MYO16: variants seen among roughly 807,000 people sequenced by gnomAD.
MYO16 encodes myosin XVI, also known as unconventional myosin-XVI.
In MYO16, 94 loss-of-function variants were observed where a neutral mutation model predicts 205.3. The ratio of observed to expected loss-of-function variants is 0.46; its 90% CI spans 0.39 to 0.54. MYO16 has a LOEUF of 0.54. Ranked by LOEUF, MYO16 falls within the 20% of genes least tolerant of loss-of-function variation. MYO16 has a pLI of 0.00. For missense variants in MYO16, 2,315 were observed against 2,387.5 expected (o/e 0.97, Z 0.63); for synonymous variants, 988 against 954.0 (o/e 1.04, Z -0.66).
chr13:108,806,638 T>G (rs1887121840), intron 6 of MYO16, 41 bp from the exon 7 acceptor site: 2 of 1,593,556 alleles, frequency 1.3e-6, no homozygotes, highest in Non-Finnish European at 1.7e-6. Context: ...TGAATATCAC[T>G]ACTTTAAAAA....
the MYO16 span, among the ~76,000 whole-genome samples, chr13:108,526,570 A>G: frequency 1.3e-5 from 2 of 152,216 alleles, no homozygotes; most frequent in South Asian, 4.1e-4. Flanking sequence ...AAACAAGATT[A>G]TTACTGAACG....
At chr13:109,204,848 G>T (rs117461413) in intron 34 of MYO16, among the ~76,000 whole-genome samples, 1 of 152,126 alleles carries the variant, frequency 6.6e-6, no homozygotes. Flanking sequence ...AAGAGCTGAC[G>T]AGTTAATGCC....
At chr13:109,123,061 G>GA (rs1744803493) in intron 29 of MYO16, among the ~76,000 whole-genome samples, 3 of 152,160 alleles carry the variant, frequency 2.0e-5, no homozygotes, top group East Asian at 1.9e-4. Context: ...TATCCTGGAT[G>GA]AAAAATATCT....
chr13:108,774,158 A>G (rs531579396), intron 4 of MYO16, among the ~76,000 whole-genome samples: 3 of 152,356 alleles, frequency 2.0e-5, no homozygotes, highest in East Asian at 3.9e-4. Flanking sequence ...TTAGAGAACT[A>G]TAACTAAATG....
chr13:109,075,313 C>T (rs1299879417), intron 27 of MYO16, among the ~76,000 whole-genome samples: 1 of 95,282 alleles, frequency 1.0e-5, no homozygotes, highest in Admixed American at 1.2e-4. Context: ...TTCCCGTCTC[C>T]TGTCCAACAC....
chr13:108,642,509 C>T (rs1047440524), intron 1 of MYO16, among the ~76,000 whole-genome samples: 3 of 152,088 alleles, frequency 2.0e-5, no homozygotes, highest in African/African-American at 7.2e-5. Flanking sequence ...GTGGCGTGAC[C>T]TTGGTTCAAG....
chr13:108,715,081 C>T (rs1883889154), intron 3 of MYO16, among the ~76,000 whole-genome samples: 1 of 152,204 alleles, frequency 6.6e-6, no homozygotes, highest in African/African-American at 2.4e-5. Context: ...CTGCTTATGG[C>T]CACACCATGA....
At chr13:108,755,730 G>C (rs2139646508) in intron 4 of MYO16, among the ~76,000 whole-genome samples, 1 of 152,250 alleles carries the variant, frequency 6.6e-6, no homozygotes, top group South Asian at 2.1e-4. Flanking sequence ...CATTTATTAT[G>C]ATTGCCAACA....
At chr13:108,731,542 A>T (rs906913040) in intron 4 of MYO16, among the ~76,000 whole-genome samples, 2 of 152,190 alleles carry the variant, frequency 1.3e-5, no homozygotes, top group African/African-American at 4.8e-5. Context: ...AGGGGGAAAA[A>T]AACTAGTTGT....
chr13:108,670,979 G>A (rs1173230757), intron 2 of MYO16, among the ~76,000 whole-genome samples: 3 of 152,158 alleles, frequency 2.0e-5, no homozygotes, highest in African/African-American at 7.2e-5. Context: ...ATGTATAGCA[G>A]TTTGTTTATA....
At chr13:108,697,833 C>T (rs1883147558) in intron 2 of MYO16, among the ~76,000 whole-genome samples, 2 of 152,088 alleles carry the variant, frequency 1.3e-5, no homozygotes, top group Non-Finnish European at 2.9e-5. Context: ...AGCAATTCTC[C>T]TGCCTCAGCC....
intron 27 of MYO16, among the ~76,000 whole-genome samples, chr13:109,057,180 A>G (rs1312609674): frequency 6.6e-6 from 1 of 152,192 alleles, no homozygotes; most frequent in Admixed American, 6.5e-5. Flanking sequence ...CAGAGGAAAT[A>G]AGCCGCATTT....
intron 20 of MYO16, among the ~76,000 whole-genome samples, chr13:108,977,835 A>G (rs1382128440): frequency 1.3e-5 from 2 of 152,040 alleles, no homozygotes; most frequent in East Asian, 1.9e-4. Context: ...TTATTTTCAC[A>G]TATTAATTTT....
At chr13:108,809,875 TC>T (rs1305029687) in intron 7 of MYO16, among the ~76,000 whole-genome samples, 4 of 152,184 alleles carry the variant, frequency 2.6e-5, no homozygotes, top group African/African-American at 4.8e-5. Flanking sequence ...CCTTGATTGT[TC>T]TTTTTCCACA....
chr13:108,923,111 C>A (rs954359140), intron 16 of MYO16, among the ~76,000 whole-genome samples: 1 of 152,116 alleles, frequency 6.6e-6, no homozygotes, highest in Non-Finnish European at 1.5e-5. Context: ...GATTTTGTGG[C>A]GGTATTTGCA....
chr13:108,770,388 G>A (rs1885922187), intron 4 of MYO16, among the ~76,000 whole-genome samples: 1 of 151,996 alleles, frequency 6.6e-6, no homozygotes, highest in Admixed American at 6.6e-5. Flanking sequence ...TTTTATAAAA[G>A]CAAATTATAT....
intron 1 of MYO16, among the ~76,000 whole-genome samples, chr13:108,624,137 C>A (rs920449726): frequency 2.0e-5 from 3 of 152,084 alleles, no homozygotes; most frequent in Non-Finnish European, 4.4e-5. Flanking sequence ...ATTTAATTGC[C>A]TCACAATTCC....
intron 34 of MYO16, among the ~76,000 whole-genome samples, chr13:109,182,361 GACA>G (rs971548061): frequency 2.0e-5 from 3 of 152,090 alleles, no homozygotes; most frequent in African/African-American, 7.2e-5. Context: ...TAATGGAAGG[GACA>G]ACAATTGACC....
intron 16 of MYO16, among the ~76,000 whole-genome samples, chr13:108,922,041 A>G (rs1881766981): frequency 6.6e-6 from 1 of 152,178 alleles, no homozygotes; most frequent in African/African-American, 2.4e-5. Context: ...ACGTGGAATA[A>G]GTGGGGTCTG....
Sources: allele counts gnomAD v4.1 joint callset (sites outside exome capture counted in the v4.1 genomes callset), GRCh38; gene constraint gnomAD v4.1.1; transcripts MANE v1.5; gene names NCBI Gene and HGNC (gene_info 2026-07-23, HGNC 2026-07-21).